USP21: variants seen among roughly 807,000 people sequenced by gnomAD.
The protein encoded by USP21 is ubiquitin carboxyl-terminal hydrolase 21.
In USP21, 37 loss-of-function variants were observed where a neutral mutation model predicts 70.8. That is an observed-to-expected ratio of 0.52 (90% CI 0.40 to 0.69). The LOEUF (loss-of-function observed/expected upper bound fraction) is 0.69. Among genes scored for constraint, USP21 ranks in the 30% least tolerant of loss-of-function variants. The probability of loss-of-function intolerance (pLI) is 0.00; values close to 1 mark genes in which losing one functional copy is unlikely to be tolerated. For synonymous variants in USP21, 263 were observed against 283.1 expected, an observed-to-expected ratio of 0.93 and a Z score of 0.71; for missense variants, 584 against 740.8, an observed-to-expected ratio of 0.79 and a Z score of 2.46.
chr1:161,164,084 G>C lies in USP21; in HGVS notation c.1219-80G>C. The C allele has an allele frequency of 6.3e-7, 1 of 1,589,260 alleles. No individual in the cohort carries two copies. Among genetic ancestry groups the C allele is most frequent in the Non-Finnish European group, 8.6e-7 (1 of 1,158,050 alleles). ...GGGAACCCTGTGGGTTTCTGGAGCA[G>C]AACTGAAGCCTGGATTGATTGAGAA... On this transcript the variant is annotated intron_variant, in intron 9 of 13. Transcript: ENST00000368002. This position sits in a 1 kb window ranked among gnomAD's most constrained non-coding sequence, Gnocchi z 4.2.
At position 161,165,477 on chromosome 1, in the gene USP21, C is replaced by T; in HGVS notation, c.*30C>T. The T allele has an allele frequency of 6.4e-7, 1 of 1,553,336 alleles. No individual in the cohort carries two copies. Among genetic ancestry groups the T allele is most frequent in the Non-Finnish European group, 8.9e-7 (1 of 1,126,094 alleles). On this transcript the variant is annotated 3_prime_UTR_variant, in exon 14 of 14. Transcript: ENST00000368002. Reference sequence around the variant, plus strand: ...TCTAAGCTCTGGCACCTGTGAAGCCCTTTAAACACCCTTAAGCCCCAGGCT... The same window carrying T: ...TCTAAGCTCTGGCACCTGTGAAGCCTTTTAAACACCCTTAAGCCCCAGGCT...
At position 161,160,810 on chromosome 1, in the gene USP21, G is replaced by C; in HGVS notation, c.170G>C (p.Gly57Ala). The change falls in exon 3 of 14, where the codon GGT becomes GCT. Residue 57 changes from glycine to alanine, a missense_variant. This residue lies in a region of USP21 where 284 missense variants were observed against 281.0 expected (regional missense o/e 1.01). Transcript: ENST00000368002. ...TTACGACCTCTGCCTCCCCGGCCAG[G>C]TCTGCCTGATGAACGGCTCAAGAAA... ...PMLRPLPPRP[G>A]LPDERLKKLE... 1.2e-6 allele frequency: 2 copies of C among 1,614,220 alleles called. No individual in the cohort carries two copies. The highest frequency in any genetic ancestry group is 1.1e-5 in the South Asian group (1 of 91,090).
In USP21 at chr1:161,162,147, G is replaced by C. The variant is rs757213641; in HGVS notation, c.660+50G>C. The C allele has an allele frequency of 6.2e-7, 1 of 1,613,326 alleles. No homozygotes were observed. Among genetic ancestry groups the C allele is most frequent in the South Asian group, 1.1e-5 (1 of 91,060 alleles). On this transcript the variant is annotated intron_variant, in intron 4 of 13. Coordinates refer to ENST00000368002, the MANE Select transcript of USP21 (RefSeq NM_001014443.3). This position sits in a 1 kb window ranked among gnomAD's most constrained non-coding sequence, Gnocchi z 4.1. ...CTCTCTAAAAGGAATGTGAAATGGT[G>C]CTGGGGGTGGGGAAAACCCACGAGC...
At position 161,163,548 on chromosome 1, in the gene USP21, GT is replaced by G; in HGVS notation, c.1050-6del. On this transcript the variant is annotated splice_region_variant and splice_polypyrimidine_tract_variant and intron_variant, in intron 7 of 13. Transcript: ENST00000368002. ...GGGTGCTCCCCACTTCCTTTGATCT[GT>G]GGTAGTGATGATGACCGAGCCAACC... 6.2e-7 allele frequency: 1 copy of G among 1,613,844 alleles called. No homozygotes were observed. Among genetic ancestry groups the G allele is most frequent in the Non-Finnish European group, 8.5e-7 (1 of 1,179,904 alleles).
Position 161,163,091 on chromosome 1 carries a change from C to T in USP21, c.1049+17C>T, listed in dbSNP as rs184741935. On this transcript the variant is annotated intron_variant, in intron 7 of 13. Coordinates refer to ENST00000368002, the MANE Select transcript of USP21 (RefSeq NM_001014443.3). ...TGAGTTAAGGTAAGGGTCGTTCCCT[C>T]TACCTCCTTTCCCCGTAGTTTATCA... 1.5e-4 allele frequency: 241 copies of T among 1,571,762 alleles called. No individual in the cohort carries two copies. In the African/African-American group the frequency reaches 2.9e-3, roughly 19 times the overall value.
chr1:161,162,477 A>C lies in USP21; in HGVS notation c.781+87A>C. The C allele has an allele frequency of 1.3e-6, 2 of 1,561,254 alleles. No individual in the cohort carries two copies. The highest frequency in any genetic ancestry group is 1.8e-5 in the Admixed American group (1 of 56,542). On this transcript the variant is annotated intron_variant, in intron 5 of 13. Transcript: ENST00000368002. The surrounding 1 kb of genome is among the most constrained non-coding windows in gnomAD (Gnocchi z 4.1). ...CATCTGCCACTGGTGGTGGCCCCCA[A>C]CCCTTAAATCTGGCAGTTGTATCTA...
At position 161,161,707 on chromosome 1, in the gene USP21, G is replaced by C; in HGVS notation, c.601-331G>C. 2.2e-6 allele frequency: 1 copy of C among 454,336 alleles called. No individual in the cohort carries two copies. The highest frequency in any genetic ancestry group is 3.0e-5 in the South Asian group (1 of 33,680). The allele number at this position is 454,336 out of a possible 1,614,324, so 28.1% of individuals were successfully genotyped here. ...CACGGGGGCAGGAGGGGGTTTTGGG[G>C]GCAGAAAGGTGGGAGTGGTGAGCAG... On this transcript the variant is annotated intron_variant, in intron 3 of 13. Coordinates refer to ENST00000368002, the MANE Select transcript of USP21 (RefSeq NM_001014443.3). This position sits in a 1 kb window ranked among gnomAD's most constrained non-coding sequence, Gnocchi z 4.2.
rs1228387345 is a variant in USP21 at position 161,160,973 on chromosome 1, C to G, written c.333C>G (p.Ser111=). The change falls in exon 3 of 14, where the codon TCC becomes TCG. Residue 111 remains serine, a synonymous_variant. Coordinates refer to ENST00000368002, the MANE Select transcript of USP21 (RefSeq NM_001014443.3). ...CATCTCGGACCAACTTAGCCCGTTC[C>G]AAGTCTGTGAGCAGTGGGGACTTGC... ...PLPSRTNLAR[S]KSVSSGDLRP... 6.2e-7 allele frequency: 1 copy of G among 1,614,248 alleles called. No homozygotes were observed. Among genetic ancestry groups the G allele is most frequent in the South Asian group, 1.1e-5 (1 of 91,084 alleles).
At position 161,161,977 on chromosome 1, in the gene USP21, G is replaced by T; in HGVS notation, c.601-61G>T. The T allele has an allele frequency of 2.6e-6, 4 of 1,538,844 alleles. No homozygotes were observed. Among genetic ancestry groups the T allele is most frequent in the Non-Finnish European group, 9.0e-7 (1 of 1,111,532 alleles). ...GGGAGGCAGTGGGCAGCATGCTGTT[G>T]AAAGGTTAAAGTGCCAGGTAGGATA... On this transcript the variant is annotated intron_variant, in intron 3 of 13. Transcript: ENST00000368002. This position sits in a 1 kb window ranked among gnomAD's most constrained non-coding sequence, Gnocchi z 4.2.
chr1:161,165,524 C>A lies in USP21; in HGVS notation c.*77C>A. 2.2e-6 allele frequency: 2 copies of A among 912,180 alleles called. No individual in the cohort carries two copies. Among genetic ancestry groups the A allele is most frequent in the Non-Finnish European group, 3.2e-6 (2 of 631,356 alleles). The allele number at this position is 912,180 out of a possible 1,614,324, so 56.5% of individuals were successfully genotyped here. On this transcript the variant is annotated 3_prime_UTR_variant, in exon 14 of 14. Transcript: ENST00000368002. ...GGCTCCCCGTTTACCTCAGAGACGT[C>A]TATTTTTGTGTCTTTTTAATCGGGG...
In USP21 at chr1:161,165,440, GC is replaced by G; in HGVS notation, c.1693del (p.Leu565CysfsTer10). 1 of 1,613,724 alleles carries G rather than the reference GC, an allele frequency of 6.2e-7. No individual in the cohort carries two copies. The highest frequency in any genetic ancestry group is 8.5e-7 in the Non-Finnish European group (1 of 1,179,750). ...CAACTGATGCAGGAGCCACCCCGGT[GC>G]CTGTGACACCTCTAAGCTCTGGCAC... is the stretch of plus-strand genomic sequence containing the variant. The part of the protein sequence containing the change: ...FYQLMQEPPR[C>X]L On this transcript the variant is annotated frameshift_variant, in exon 14 of 14. Transcript: ENST00000368002. LOFTEE classifies it high-confidence loss of function.
rs1658199298 is a variant in USP21 at position 161,164,070 on chromosome 1, G to A, written c.1218+89G>A. 2 of 1,584,432 alleles carry A rather than the reference G, an allele frequency of 1.3e-6. No homozygotes were observed. The highest frequency in any genetic ancestry group is 1.7e-6 in the Non-Finnish European group (2 of 1,153,828). The stretch of plus-strand genomic sequence containing the variant: ...CCCAGAGTGTGGGCGGGAACCCTGT[G>A]GGTTTCTGGAGCAGAACTGAAGCCT... On this transcript the variant is annotated intron_variant, in intron 9 of 13. Coordinates refer to ENST00000368002, the MANE Select transcript of USP21 (RefSeq NM_001014443.3). The surrounding 1 kb of genome is among the most constrained non-coding windows in gnomAD (Gnocchi z 4.2).
At chr1:161,163,361 T>C (rs146265814) in intron 7 of USP21, among the ~76,000 whole-genome samples, 194 bp from the exon 8 acceptor site, 128 of 152,220 alleles carry the variant, frequency 8.4e-4, no homozygotes, top group African/African-American at 3.0e-3. Flanking sequence ...TACATTCCTT[T>C]CTTTTCCTCT....
intron 1 of USP21, 90 bp downstream of exon 1, chr1:161,159,768 C>G (rs1571273423): frequency 6.6e-6 from 1 of 152,234 alleles, no homozygotes; most frequent in Admixed American, 6.5e-5. Context: ...TCCACAAAGG[C>G]GCGTGGGGCC....
Position 161,160,646 on chromosome 1 carries a change from C to T in USP21, c.6C>T (p.Pro2=). The T allele has an allele frequency of 1.2e-6, 2 of 1,612,598 alleles. No individual in the cohort carries two copies. Among genetic ancestry groups the T allele is most frequent in the Non-Finnish European group, 1.7e-6 (2 of 1,178,910 alleles). ...TCCAGCCTGTGGTGTCCACAATGCC[C>T]CAGGCCTCTGAGCACCGCCTGGGCC... The part of the protein sequence containing the change: M[P]QASEHRLGRT... The change falls in exon 3 of 14, where the codon CCC becomes CCT. Residue 2 remains proline (P), a synonymous_variant. Coordinates refer to ENST00000368002, the MANE Select transcript of USP21 (RefSeq NM_001014443.3).
chr1:161,161,684 C>T lies in USP21; in HGVS notation c.601-354C>T, dbSNP rs960600520. 21 of 417,850 alleles carry T rather than the reference C, an allele frequency of 5.0e-5. No individual in the cohort carries two copies. Among genetic ancestry groups the T allele is most frequent in the Non-Finnish European group, 8.3e-5 (19 of 229,292 alleles). The allele number at this position is 417,850 out of a possible 1,614,324, so 25.9% of individuals were successfully genotyped here. A position where few individuals can be genotyped will look rare whatever the true frequency, so the allele number is the denominator to read the frequency against. On this transcript the variant is annotated intron_variant, in intron 3 of 13. Transcript: ENST00000368002. This position sits in a 1 kb window ranked among gnomAD's most constrained non-coding sequence, Gnocchi z 4.2. ...GCAGGAGAAGGGCAAGAAGGGGCCACGGGGGCAGGAGGGGGTTTTGGGGGC... is the reference window on the plus strand; with the variant it reads ...GCAGGAGAAGGGCAAGAAGGGGCCATGGGGGCAGGAGGGGGTTTTGGGGGC...
Position 161,164,367 on chromosome 1 carries a change from T to C in USP21, c.1305+117T>C. ...GGAATAATATTTATGTATCTGGGTT[T>C]GTGTTGGAGTCTCAGATCTGTTCTA... On this transcript the variant is annotated intron_variant, in intron 10 of 13. Coordinates refer to ENST00000368002, the MANE Select transcript of USP21 (RefSeq NM_001014443.3). The surrounding 1 kb of genome is among the most constrained non-coding windows in gnomAD (Gnocchi z 4.2). The C allele has an allele frequency of 7.5e-7, 1 of 1,328,604 alleles. No homozygotes were observed. Among genetic ancestry groups the C allele is most frequent in the Non-Finnish European group, 1.1e-6 (1 of 932,796 alleles). 82.3% of individuals were successfully genotyped at this position (1,328,604 alleles called of 1,614,324 possible).
chr1:161,160,998 C>G lies in USP21; in HGVS notation c.358C>G (p.Arg120Gly), dbSNP rs191180673. 5.8e-5 allele frequency: 93 copies of G among 1,614,106 alleles called. No homozygotes were observed. Among genetic ancestry groups the G allele is most frequent in the Non-Finnish European group, 5.3e-5 (62 of 1,180,048 alleles). Reference protein sequence around the residue: ...RSKSVSSGDLRPMGIALGGHR... With the variant: ...RSKSVSSGDLGPMGIALGGHR... ...CAAGTCTGTGAGCAGTGGGGACTTG[C>G]GTCCAATGGGGATTGCCTTGGGAGG... The change falls in exon 3 of 14, where the codon CGT (arginine) becomes GGT (glycine). Residue 120 changes from arginine to glycine, a missense_variant. Coordinates refer to ENST00000368002, the MANE Select transcript of USP21 (RefSeq NM_001014443.3).
At position 161,163,038 on chromosome 1, in the gene USP21, G is replaced by A. The variant is rs753705815; in HGVS notation, c.1013G>A (p.Arg338His). The change falls in exon 7 of 14, where the codon CGC (arginine) becomes CAC (histidine). Residue 338 changes from arginine to histidine, a missense_variant. This residue lies in a region of USP21 where 40 missense variants were observed against 29.3 expected (regional missense o/e 1.37). Coordinates refer to ENST00000368002, the MANE Select transcript of USP21 (RefSeq NM_001014443.3). ...LANGPVPSPP[R>H]RGGALLEEPE... is the part of the protein sequence containing the mutation. ...AATGGTCCAGTTCCCTCTCCACCCC[G>A]CCGAGGAGGGGCTCTGCTAGAAGAA... 9 of 1,611,452 alleles carry A rather than the reference G, an allele frequency of 5.6e-6. No individual in the cohort carries two copies. Among genetic ancestry groups the A allele is most frequent in the East Asian group, 2.2e-5 (1 of 44,874 alleles).
Sources: gnomAD v4.1 joint callset for allele counts (sites outside exome capture counted in the v4.1 genomes callset) on GRCh38, gnomAD v4.1.1 for gene constraint, gnomAD v4.1.1 regional missense constraint, Gnocchi (gnomAD v3.1) non-coding constraint, MANE v1.5 for transcripts, NCBI Gene and HGNC (gene_info 2026-07-23, HGNC 2026-07-21) for gene names.